Variants in DLGAP1 observed in about 807,000 individuals in gnomAD.
The protein encoded by DLGAP1 is disks large-associated protein 1.
DLGAP1 carries 11 observed loss-of-function variants against 90.8 expected under a neutral mutation model. The ratio of observed to expected loss-of-function variants is 0.12; its 90% confidence interval spans 0.08 to 0.20. The LOEUF (loss-of-function observed/expected upper bound fraction) is 0.20. Among genes scored for constraint, DLGAP1 ranks in the 10% least tolerant of loss-of-function variants. The pLI is 1.00. For synonymous variants in DLGAP1, 558 were observed against 540.7 expected, an observed-to-expected ratio of 1.03 and a Z score of -0.44; for missense variants, 1,050 against 1,333.8, an observed-to-expected ratio of 0.79 and a Z score of 3.31.
chr18:3,628,250 T>C (rs954320053), intron 7 of DLGAP1, among the ~76,000 whole-genome samples: 4 of 147,926 alleles, frequency 2.7e-5, no homozygotes, highest in Non-Finnish European at 1.5e-5. Context: ...AGTGCAGTGG[T>C]GTGATCTTGG....
intron 8 of DLGAP1, among the ~76,000 whole-genome samples, chr18:3,570,614 C>T (rs550208716): frequency 6.6e-6 from 1 of 151,934 alleles, no homozygotes; most frequent in South Asian, 2.1e-4. Flanking sequence ...GGCAAGTCTC[C>T]TCCTGTAGTT....
At chr18:4,081,470 C>T (rs567009481) in intron 2 of DLGAP1, among the ~76,000 whole-genome samples, 3 of 152,108 alleles carry the variant, frequency 2.0e-5, no homozygotes, top group Non-Finnish European at 2.9e-5. Flanking sequence ...GAAACTGATA[C>T]CCCAAAATAT....
At chr18:3,883,039 T>G (rs1599101688) in intron 3 of DLGAP1, among the ~76,000 whole-genome samples, 1 of 151,318 alleles carries the variant, frequency 6.6e-6, no homozygotes, top group Non-Finnish European at 1.5e-5. Context: ...AAGTCAGGAG[T>G]TCAAGACCAG....
chr18:4,369,840 G>T (rs749492291), intron 1 of DLGAP1, among the ~76,000 whole-genome samples: 1,499 of 137,572 alleles, frequency 0.011, 16 homozygotes, highest in Non-Finnish European at 0.017. Flanking sequence ...AAAAAAAAAA[G>T]GCGGGGGGAA....
At chr18:3,961,519 C>A (rs113065423) in intron 3 of DLGAP1, among the ~76,000 whole-genome samples, 1 of 151,894 alleles carries the variant, frequency 6.6e-6, no homozygotes, top group African/African-American at 2.4e-5. Context: ...CCACCCATTT[C>A]TCTTCCCACA....
At chr18:4,131,356 TTAAAAG>T (rs1356874525) in intron 2 of DLGAP1, among the ~76,000 whole-genome samples, 1 of 152,240 alleles carries the variant, frequency 6.6e-6, no homozygotes, top group Non-Finnish European at 1.5e-5. Context: ...ATAGTGATAT[TTAAAAG>T]TAAAACATGC....
At chr18:4,181,145 T>C (rs920988056) in intron 1 of DLGAP1, among the ~76,000 whole-genome samples, 6 of 152,220 alleles carry the variant, frequency 3.9e-5, no homozygotes, top group Non-Finnish European at 4.4e-5. Context: ...TAGAGTCCTT[T>C]GATCACATCC....
intron 11 of DLGAP1, among the ~76,000 whole-genome samples, chr18:3,507,443 G>C (rs1407892030): frequency 6.6e-6 from 1 of 152,120 alleles, no homozygotes. Context: ...TTGAACCTGG[G>C]AGGCAGAGGT....
chr18:3,528,582 C>G (rs778292594), intron 10 of DLGAP1, among the ~76,000 whole-genome samples: 1 of 152,178 alleles, frequency 6.6e-6, no homozygotes, highest in Non-Finnish European at 1.5e-5. Flanking sequence ...CAAGATACTG[C>G]CAGAGAACTG....
Position 3,734,168 on chromosome 18 carries a change from T to C in DLGAP1, c.1351-4793A>G, listed in dbSNP as rs548735377. Among the ~76,000 whole-genome samples, 3 of 152,300 alleles carry C rather than the reference T, an allele frequency of 2.0e-5. No homozygotes were observed. The East Asian group carries it at 5.8e-4, about 29-fold the overall frequency. On this transcript the variant is annotated intron_variant, in intron 6 of 12. Transcript: ENST00000315677. ...TTTTCTTCTGAAGGGACTTCTATTA[T>C]CTGTATGTCTAATCTTTTTTGTCTG...
rs140819858 is a variant in DLGAP1 at position 3,628,168 on chromosome 18, G to A, written c.1592-45920C>T. On this transcript the variant is annotated intron_variant, in intron 7 of 12. Coordinates refer to ENST00000315677, the MANE Select transcript of DLGAP1 (RefSeq NM_004746.4). Reference sequence around the variant, plus strand: ...TGGGATTACAGGCGTGAGCCACTGCGCCTGGCCTTGTGCTATATTCTTTTT... The same window carrying A: ...TGGGATTACAGGCGTGAGCCACTGCACCTGGCCTTGTGCTATATTCTTTTT... Among the ~76,000 whole-genome samples the A allele has an allele frequency of 2.7e-3, 400 of 148,704 alleles. 5 individuals carry two copies. In the East Asian group the frequency reaches 0.042, roughly 15 times the overall value.
intron 1 of DLGAP1, among the ~76,000 whole-genome samples, chr18:4,232,178 G>A (rs561546481): frequency 4.6e-5 from 7 of 152,016 alleles, no homozygotes; most frequent in South Asian, 2.1e-4. Flanking sequence ...AAGAATTCCC[G>A]CCATCCAACA....
At chr18:4,088,911 TCAC>T (rs1388952787) in intron 2 of DLGAP1, among the ~76,000 whole-genome samples, 1 of 152,170 alleles carries the variant, frequency 6.6e-6, no homozygotes, top group Admixed American at 6.5e-5. Flanking sequence ...ATGCCCTCTC[TCAC>T]CACTCCTATT....
chr18:4,256,256 T>C (rs1262772511), intron 1 of DLGAP1, among the ~76,000 whole-genome samples: 2 of 152,076 alleles, frequency 1.3e-5, no homozygotes, highest in Non-Finnish European at 2.9e-5. Flanking sequence ...AAACATTAGC[T>C]GGGCATGGTG....
At chr18:4,178,390 T>A (rs2077153057) in intron 1 of DLGAP1, among the ~76,000 whole-genome samples, 1 of 152,130 alleles carries the variant, frequency 6.6e-6, no homozygotes, top group South Asian at 2.1e-4. Flanking sequence ...TCTGCTTACT[T>A]GATTCTAAAA....
intron 2 of DLGAP1, among the ~76,000 whole-genome samples, chr18:4,021,272 T>C (rs1487135848): frequency 1.3e-5 from 2 of 152,218 alleles, no homozygotes; most frequent in Non-Finnish European, 2.9e-5. Flanking sequence ...CAGTTACACC[T>C]GGTGGGAGGT....
chr18:3,528,323 C>T (rs1954984566), intron 10 of DLGAP1, among the ~76,000 whole-genome samples: 1 of 152,174 alleles, frequency 6.6e-6, no homozygotes, highest in Non-Finnish European at 1.5e-5. Context: ...GTGGGATTGG[C>T]CTCTCTTCCT....
chr18:3,865,300 T>C (rs2070317187), intron 4 of DLGAP1, among the ~76,000 whole-genome samples: 1 of 152,204 alleles, frequency 6.6e-6, no homozygotes, highest in Non-Finnish European at 1.5e-5. Flanking sequence ...GGCAGTCTCA[T>C]GGGGTCAGTA....
At chr18:4,222,776 G>A (rs1277174035) in intron 1 of DLGAP1, among the ~76,000 whole-genome samples, 4 of 150,516 alleles carry the variant, frequency 2.7e-5, no homozygotes, top group African/African-American at 9.7e-5. Flanking sequence ...AGGCTGAGAT[G>A]CAAGAATAAT....
Sources: allele counts gnomAD v4.1 joint callset (sites outside exome capture counted in the v4.1 genomes callset), GRCh38; gene constraint gnomAD v4.1.1; transcripts MANE v1.5; gene names NCBI Gene and HGNC (gene_info 2026-07-23, HGNC 2026-07-21).